The following SPIDR variants were observed in gnomAD, a reference collection of about 807,000 sequenced individuals.
SPIDR encodes the protein DNA repair-scaffolding protein.
Under a neutral mutation model 104.6 loss-of-function variants are expected in SPIDR, and 93 were observed. That is an observed-to-expected ratio of 0.89 (90% confidence interval 0.75 to 1.06). SPIDR has a LOEUF of 1.06. Among genes scored for constraint, SPIDR ranks in the 50% least tolerant of loss-of-function variants. SPIDR has a pLI of 0.00. For missense variants in SPIDR, 1,154 were observed against 1,111.2 expected, an observed-to-expected ratio of 1.04 and a Z score of -0.55; for synonymous variants, 431 against 416.9, an observed-to-expected ratio of 1.03 and a Z score of -0.41.
chr8:47,673,088 A>G (rs1328481136), intron 10 of SPIDR, among the ~76,000 whole-genome samples: 1 of 152,224 alleles, frequency 6.6e-6, no homozygotes, highest in Non-Finnish European at 1.5e-5. Flanking sequence ...GCTCCGTGAA[A>G]TGTTTTCTGA....
At chr8:47,435,326 C>CTGTGTGTGTG (rs4021912) in intron 7 of SPIDR, among the ~76,000 whole-genome samples, 1 of 146,362 alleles carries the variant, frequency 6.8e-6, no homozygotes, top group Admixed American at 6.9e-5. Flanking sequence ...TTGCTCAGAT[C>CTGTGTGTGTG]TGTGTGTGTG....
rs1005606000 is a variant in SPIDR at position 47,275,592 on chromosome 8, A to C, written c.34-4270A>C. Reference sequence around the variant, plus strand: ...CTTAAAATGAGTGGAACCTCTGTGTAAAGAAAATATTTTATTATTTTAAAT... The same window carrying C: ...CTTAAAATGAGTGGAACCTCTGTGTCAAGAAAATATTTTATTATTTTAAAT... On this transcript the variant is annotated intron_variant, in intron 1 of 19. Transcript: ENST00000297423. 1.8e-4 allele frequency among the ~76,000 whole-genome samples: 27 copies of C among 152,204 alleles called. 1 individual carries two copies. Among genetic ancestry groups the C allele is most frequent in the Admixed American group, 1.7e-3 (26 of 15,276 alleles).
At chr8:47,308,566 A>G (rs1380934209) in intron 5 of SPIDR, among the ~76,000 whole-genome samples, 1 of 150,808 alleles carries the variant, frequency 6.6e-6, no homozygotes, top group Admixed American at 6.6e-5. Context: ...GTAGTCTTTA[A>G]CATCTGACTC....
chr8:47,432,568 T>A (rs7826284), intron 7 of SPIDR, among the ~76,000 whole-genome samples: 74,457 of 152,058 alleles, frequency 0.49, 22,256 homozygotes, highest in Non-Finnish European at 0.66. Flanking sequence ...TTTACTTTTT[T>A]AAATCAGAGG....
chr8:47,413,728 A>G lies in SPIDR; in HGVS notation c.877+5767A>G, dbSNP rs148824363. ...TTGTTGTATCACATTTGGAGGTTTG[A>G]TGTTGGTGGGTACAATGCTGAAGGC... On this transcript the variant is annotated intron_variant, in intron 7 of 19. Coordinates refer to ENST00000297423, the MANE Select transcript of SPIDR (RefSeq NM_001080394.4). Among the ~76,000 whole-genome samples, 595 of 152,204 alleles carry G rather than the reference A, an allele frequency of 3.9e-3. 3 individuals carry two copies. The highest frequency in any genetic ancestry group is 0.022 in the South Asian group (108 of 4,830).
chr8:47,333,761 G>T (rs2049191438), intron 5 of SPIDR, among the ~76,000 whole-genome samples: 1 of 152,204 alleles, frequency 6.6e-6, no homozygotes, highest in African/African-American at 2.4e-5. Flanking sequence ...CCATGAACAT[G>T]TGAAAAATGC....
intron 8 of SPIDR, among the ~76,000 whole-genome samples, chr8:47,569,137 A>G (rs1401989115): frequency 2.0e-5 from 3 of 152,240 alleles, no homozygotes; most frequent in Non-Finnish European, 2.9e-5. Flanking sequence ...ATCATTGTAG[A>G]TAAAATAAAC....
At chr8:47,728,192 A>G (rs2084608211) in intron 17 of SPIDR, among the ~76,000 whole-genome samples, 1 of 152,014 alleles carries the variant, frequency 6.6e-6, no homozygotes, top group Admixed American at 6.6e-5. Context: ...ATACTGTGGG[A>G]GGCCAAGTGG....
intron 8 of SPIDR, among the ~76,000 whole-genome samples, chr8:47,560,326 G>A (rs1032871766): frequency 1.3e-5 from 2 of 152,110 alleles, no homozygotes; most frequent in Non-Finnish European, 2.9e-5. Context: ...CAGATTCTTG[G>A]GCCCAGCATC....
chr8:47,432,898 T>C (rs568046488), intron 7 of SPIDR, among the ~76,000 whole-genome samples: 8 of 152,142 alleles, frequency 5.3e-5, no homozygotes, highest in African/African-American at 1.9e-4. Flanking sequence ...TTATGAAGAG[T>C]AGGTTGGAAG....
At chr8:47,658,029 C>CA (rs34648437) in intron 10 of SPIDR, among the ~76,000 whole-genome samples, 1,035 of 75,908 alleles carry the variant, frequency 0.014, 17 homozygotes, top group East Asian at 0.047. Flanking sequence ...GACCCTGTCT[C>CA]AAAAAAAAAA....
chr8:47,701,516 T>C (rs919287769), intron 12 of SPIDR, among the ~76,000 whole-genome samples: 7 of 152,234 alleles, frequency 4.6e-5, no homozygotes, highest in African/African-American at 1.7e-4. Flanking sequence ...AAATGAAACC[T>C]TGAATTAATA....
intron 10 of SPIDR, among the ~76,000 whole-genome samples, chr8:47,623,527 G>A (rs2065482903): frequency 6.6e-6 from 1 of 152,116 alleles, no homozygotes; most frequent in South Asian, 2.1e-4. Flanking sequence ...GGCCCAAAAT[G>A]AAGGGATGGA....
At chr8:47,566,638 G>GC (rs2057893484) in intron 8 of SPIDR, among the ~76,000 whole-genome samples, 1 of 151,626 alleles carries the variant, frequency 6.6e-6, no homozygotes, top group South Asian at 2.1e-4. Context: ...TGTCGCACAG[G>GC]CTAGAGTGCA....
chr8:47,509,375 C>A (rs2081983311), intron 8 of SPIDR, among the ~76,000 whole-genome samples: 1 of 152,118 alleles, frequency 6.6e-6, no homozygotes, highest in African/African-American at 2.4e-5. Flanking sequence ...GGTAGATCCC[C>A]CTAAGTCTAT....
Position 47,673,832 on chromosome 8 carries a change from A to C in SPIDR, c.1576A>C (p.Met526Leu). The change falls in exon 11 of 20, where the codon ATG becomes CTG. Residue 526 changes from methionine to leucine, a missense_variant. By Grantham distance (15) the Met-to-Leu change is conservative. Coordinates refer to ENST00000297423, the MANE Select transcript of SPIDR (RefSeq NM_001080394.4). ...ACLLVQDACGMFGEVHLEFTM... is the reference protein window; with the variant it reads ...ACLLVQDACGLFGEVHLEFTM... ...CCTTCTGGTACAAGATGCCTGTGGA[A>C]TGTTCGGTGAAGTGCACTTGGAGTT... 6.2e-7 allele frequency: 1 copy of C among 1,614,106 alleles called. No homozygotes were observed. The highest frequency in any genetic ancestry group is 8.5e-7 in the Non-Finnish European group (1 of 1,180,002).
At chr8:47,611,239 G>A (rs1341279248) in intron 10 of SPIDR, among the ~76,000 whole-genome samples, 1 of 152,198 alleles carries the variant, frequency 6.6e-6, no homozygotes, top group Admixed American at 6.5e-5. Context: ...CTTTGGGACA[G>A]AGGTGATGTC....
intron 6 of SPIDR, among the ~76,000 whole-genome samples, chr8:47,404,177 T>G (rs761952490): frequency 2.6e-5 from 4 of 152,218 alleles, no homozygotes; most frequent in Non-Finnish European, 5.9e-5. Flanking sequence ...GATCCCTTCC[T>G]TACACCTTAT....
chr8:47,478,978 G>T (rs2076579293), intron 8 of SPIDR, among the ~76,000 whole-genome samples: 2 of 151,824 alleles, frequency 1.3e-5, no homozygotes, highest in Non-Finnish European at 2.9e-5. Flanking sequence ...CTTTTGAGTT[G>T]TTTTTTTCCA....
Sources: allele counts gnomAD v4.1 joint callset (sites outside exome capture counted in the v4.1 genomes callset), GRCh38; gene constraint gnomAD v4.1.1; transcripts MANE v1.5; gene names NCBI Gene and HGNC (gene_info 2026-07-23, HGNC 2026-07-21).